SYT9: variants seen among roughly 807,000 people sequenced by gnomAD.
SYT9 encodes synaptotagmin 9.
Under a neutral mutation model 48.4 loss-of-function variants are expected in SYT9, and 22 were observed. The ratio of observed to expected loss-of-function variants is 0.45; its 90% confidence interval spans 0.32 to 0.65. The LOEUF (loss-of-function observed/expected upper bound fraction) is 0.65. Ranked by LOEUF, SYT9 falls within the 30% of genes least tolerant of loss-of-function variation. The probability of loss-of-function intolerance (pLI) is 0.03; values close to 1 mark genes in which losing one functional copy is unlikely to be tolerated. For missense variants in SYT9, 577 were observed against 622.0 expected (o/e 0.93, Z 0.77); for synonymous variants, 265 against 245.0 (o/e 1.08, Z -0.76).
intron 3 of SYT9, among the ~76,000 whole-genome samples, chr11:7,318,051 T>C (rs1849271810): frequency 6.6e-6 from 1 of 152,230 alleles, no homozygotes; most frequent in South Asian, 2.1e-4. Flanking sequence ...TTTTGTGATA[T>C]TGAGTCTTTC....
At chr11:7,246,098 T>C (rs550800886) in intron 1 of SYT9, among the ~76,000 whole-genome samples, 1 of 152,274 alleles carries the variant, frequency 6.6e-6, no homozygotes, top group East Asian at 1.9e-4. Flanking sequence ...TCTCAAAAGA[T>C]TTACTTTTAC....
At chr11:7,312,598 G>T (rs777885714) in intron 2 of SYT9, among the ~76,000 whole-genome samples, 11 of 152,220 alleles carry the variant, frequency 7.2e-5, no homozygotes, top group Admixed American at 2.0e-4. Context: ...CACTTACAGG[G>T]TGAAGAAGAC....
chr11:7,323,644 A>G (rs544448449), intron 3 of SYT9, among the ~76,000 whole-genome samples: 8 of 152,030 alleles, frequency 5.3e-5, no homozygotes, highest in African/African-American at 1.7e-4. Flanking sequence ...TTCTGTATCT[A>G]TTGAGAGAAT....
intron 3 of SYT9, among the ~76,000 whole-genome samples, chr11:7,347,230 C>T (rs181017831): frequency 8.5e-6 from 1 of 116,972 alleles, no homozygotes; most frequent in African/African-American, 3.2e-5. Flanking sequence ...CCGTTTTCAT[C>T]AAAATATTTT....
At chr11:7,314,160 A>G (rs1279325583) in intron 3 of SYT9, 2 of 693,822 alleles carry the variant, frequency 2.9e-6, no homozygotes, top group African/African-American at 3.5e-5. Flanking sequence ...ATTAAAGAAT[A>G]ACATTCTCTC....
intron 3 of SYT9, among the ~76,000 whole-genome samples, chr11:7,404,446 T>C (rs981849765): frequency 6.6e-6 from 1 of 152,208 alleles, no homozygotes; most frequent in African/African-American, 2.4e-5. Context: ...GTCTCCTTTT[T>C]TGGTTTATTA....
chr11:7,314,214 G>C (rs1233175496), intron 3 of SYT9: 1 of 567,668 alleles, frequency 1.8e-6, no homozygotes. Context: ...GAGACAGCAG[G>C]TGTTATCTGT....
At chr11:7,400,058 C>A (rs1846857628) in intron 3 of SYT9, among the ~76,000 whole-genome samples, 1 of 152,168 alleles carries the variant, frequency 6.6e-6, no homozygotes, top group African/African-American at 2.4e-5. Context: ...CCAAATGTGA[C>A]TTACTGAGTT....
chr11:7,383,361 G>T (rs180700722), intron 3 of SYT9, among the ~76,000 whole-genome samples: 31 of 152,316 alleles, frequency 2.0e-4, no homozygotes, highest in African/African-American at 7.5e-4. Flanking sequence ...CTGGGAAGGA[G>T]GGAAGGGAAA....
intron 3 of SYT9, among the ~76,000 whole-genome samples, chr11:7,382,755 G>A (rs542921239): frequency 6.6e-6 from 1 of 152,260 alleles, no homozygotes; most frequent in East Asian, 1.9e-4. Context: ...CATATCATTG[G>A]CCAAAGAAAA....
chr11:7,452,634 C>G, intron 6 of SYT9, among the ~76,000 whole-genome samples: 1 of 152,150 alleles, frequency 6.6e-6, no homozygotes, highest in Non-Finnish European at 1.5e-5. Flanking sequence ...CTTACCCATA[C>G]TCCTTTCAGA....
intron 3 of SYT9, among the ~76,000 whole-genome samples, chr11:7,347,237 T>TA (rs1009532400): frequency 2.5e-4 from 6 of 23,786 alleles, no homozygotes; most frequent in Non-Finnish European, 9.0e-4. Context: ...CATCAAAATA[T>TA]TTTTTTTTTT....
At chr11:7,290,917 C>T (rs1020179801) in intron 1 of SYT9, among the ~76,000 whole-genome samples, 1 of 151,998 alleles carries the variant, frequency 6.6e-6, no homozygotes, top group African/African-American at 2.4e-5. Flanking sequence ...GAACATATAA[C>T]AAAGATATGG....
At chr11:7,448,371 C>T (rs562172146) in intron 6 of SYT9, among the ~76,000 whole-genome samples, 28 of 152,350 alleles carry the variant, frequency 1.8e-4, no homozygotes, top group African/African-American at 6.7e-4. Flanking sequence ...CCTTTGATGG[C>T]GCCTGCTAAA....
At chr11:7,342,398 T>C (rs11041325) in intron 3 of SYT9, among the ~76,000 whole-genome samples, 57,254 of 152,022 alleles carry the variant, frequency 0.38, 11,243 homozygotes, top group African/African-American at 0.46. Flanking sequence ...GCATTCCAAA[T>C]GGGAGAAATT....
At chr11:7,354,664 T>C (rs983035313) in intron 3 of SYT9, among the ~76,000 whole-genome samples, 1 of 152,158 alleles carries the variant, frequency 6.6e-6, no homozygotes, top group Admixed American at 6.5e-5. Context: ...TGTGTGCTTC[T>C]CTGTTCTTTC....
intron 1 of SYT9, among the ~76,000 whole-genome samples, chr11:7,278,015 T>A (rs1848429256): frequency 6.6e-6 from 1 of 152,230 alleles, no homozygotes; most frequent in Non-Finnish European, 1.5e-5. Context: ...TTATAGAGGC[T>A]GGAAAGTCCA....
At chr11:7,386,764 G>A (rs1331014687) in intron 3 of SYT9, among the ~76,000 whole-genome samples, 19 of 152,166 alleles carry the variant, frequency 1.2e-4, no homozygotes, top group Non-Finnish European at 2.6e-4. Flanking sequence ...TCTTGAACTA[G>A]AAATACCATT....
intron 6 of SYT9, among the ~76,000 whole-genome samples, chr11:7,426,820 A>G (rs1411422385): frequency 6.6e-6 from 1 of 152,110 alleles, no homozygotes; most frequent in African/African-American, 2.4e-5. Context: ...CAGACCTCCA[A>G]GGTTTCCTCT....
Sources: allele counts gnomAD v4.1 joint callset (sites outside exome capture counted in the v4.1 genomes callset), GRCh38; gene constraint gnomAD v4.1.1; transcripts MANE v1.5; gene names NCBI Gene and HGNC (gene_info 2026-07-23, HGNC 2026-07-21).